The following NTM variants were observed in gnomAD, a reference collection of about 807,000 sequenced individuals.
The protein encoded by NTM is neurotrimin, also known as IgLON family member 2.
A neutral mutation model predicts 42.1 loss-of-function variants in NTM; 13 were observed. The ratio of observed to expected loss-of-function variants is 0.31; its 90% CI spans 0.20 to 0.49. The LOEUF (loss-of-function observed/expected upper bound fraction) is 0.49. Among genes scored for constraint, NTM ranks in the 20% least tolerant of loss-of-function variants. The pLI is 0.99. For synonymous variants in NTM, 187 were observed against 179.2 expected (o/e 1.04, Z -0.35); for missense variants, 373 against 452.8 (o/e 0.82, Z 1.60).
intron 2 of NTM, among the ~76,000 whole-genome samples, chr11:132,129,866 A>G (rs1336644828): frequency 1.3e-5 from 2 of 152,084 alleles, no homozygotes; most frequent in Admixed American, 6.6e-5. Context: ...TGTTTCCTCA[A>G]TTCTCTTCCC....
intron 1 of NTM, among the ~76,000 whole-genome samples, chr11:131,513,767 T>C (rs183672955): frequency 8.1e-4 from 124 of 152,288 alleles, no homozygotes; most frequent in Middle Eastern, 3.4e-3. Flanking sequence ...TGAAAATATT[T>C]ATAAGTATTG....
At chr11:131,505,949 C>T (rs2136413720) in intron 1 of NTM, among the ~76,000 whole-genome samples, 1 of 152,144 alleles carries the variant, frequency 6.6e-6, no homozygotes, top group African/African-American at 2.4e-5. Flanking sequence ...CAGTGTGCCT[C>T]TGTTATTGCC....
In NTM at chr11:131,789,478, GAAGAAGAAGAAGAGGA is replaced by G. The variant is rs2090022948; in HGVS notation, c.83-122072_83-122057del. Reference sequence around the variant, plus strand: ...AGAAGAAGAAGAAGAAGAAGAAGAAGAAGAAGAAGAAGAGGAAAGAAGAAGAAGAAGAAGAAGAAGA... The same window carrying G: ...AGAAGAAGAAGAAGAAGAAGAAGAAGAAGAAGAAGAAGAAGAAGAAGAAGA... On this transcript the variant is annotated intron_variant, in intron 1 of 8. Transcript: ENST00000683400. Among the ~76,000 whole-genome samples, 7 of 10,934 alleles carry G rather than the reference GAAGAAGAAGAAGAGGA, an allele frequency of 6.4e-4. 3 individuals carry two copies. The highest frequency in any genetic ancestry group is 5.1e-3 in the Admixed American group (4 of 780). The allele number at this position is 10,934 out of a possible 152,430, so 7.2% of individuals were successfully genotyped here.
chr11:132,330,325 C>T (rs1037288795), intron 8 of NTM, 140 bp downstream of exon 8: 7 of 887,932 alleles, frequency 7.9e-6, no homozygotes, highest in South Asian at 1.8e-5. Flanking sequence ...CTTCAACCAT[C>T]TCCGTGTCAA....
chr11:131,526,081 T>G (rs2136620191), intron 1 of NTM, among the ~76,000 whole-genome samples: 1 of 152,252 alleles, frequency 6.6e-6, no homozygotes, highest in Admixed American at 6.5e-5. Flanking sequence ...GGCTCAATCC[T>G]CACAACAGTG....
chr11:132,171,532 C>T (rs1399856938), intron 3 of NTM, among the ~76,000 whole-genome samples: 1 of 152,080 alleles, frequency 6.6e-6, no homozygotes, highest in African/African-American at 2.4e-5. Context: ...AAAGCTTTGC[C>T]CTCATAACTT....
chr11:131,487,551 C>G (rs1954311922), intron 1 of NTM, among the ~76,000 whole-genome samples: 1 of 152,042 alleles, frequency 6.6e-6, no homozygotes, highest in South Asian at 2.1e-4. Flanking sequence ...AATTTGGAGA[C>G]AAGGATAGGT....
intron 2 of NTM, among the ~76,000 whole-genome samples, chr11:132,127,101 A>T (rs2065966410): frequency 6.6e-6 from 1 of 152,100 alleles, no homozygotes. Flanking sequence ...CCTATTTCAA[A>T]CTGCCCCCCA....
intron 4 of NTM, among the ~76,000 whole-genome samples, chr11:132,254,263 C>T (rs574386266): frequency 2.6e-5 from 4 of 152,192 alleles, no homozygotes; most frequent in South Asian, 4.1e-4. Flanking sequence ...CCCCGCAACC[C>T]GTCTTCATCC....
intron 1 of NTM, among the ~76,000 whole-genome samples, chr11:131,585,097 T>C (rs1310503230): frequency 6.6e-6 from 1 of 152,174 alleles, no homozygotes; most frequent in African/African-American, 2.4e-5. Flanking sequence ...ATTGGACGGA[T>C]GGGAGGAGGA....
At chr11:132,193,264 A>G (rs1401295181) in intron 3 of NTM, among the ~76,000 whole-genome samples, 2 of 152,124 alleles carry the variant, frequency 1.3e-5, no homozygotes, top group African/African-American at 4.8e-5. Flanking sequence ...CCATAAAGCA[A>G]GTCGCAATAA....
At chr11:131,929,223 G>A (rs1402514584) in intron 2 of NTM, among the ~76,000 whole-genome samples, 1 of 152,202 alleles carries the variant, frequency 6.6e-6, no homozygotes, top group Non-Finnish European at 1.5e-5. Context: ...CCTTGAGTGA[G>A]ATCTGATGAA....
intron 1 of NTM, among the ~76,000 whole-genome samples, chr11:131,828,975 CCT>C (rs968312954): frequency 2.0e-4 from 30 of 148,708 alleles, no homozygotes; most frequent in Middle Eastern, 3.5e-3. Flanking sequence ...CATCACTCTC[CCT>C]CTCTCTCTCT....
chr11:132,257,967 T>C (rs1366957078), intron 4 of NTM, among the ~76,000 whole-genome samples: 1 of 152,212 alleles, frequency 6.6e-6, no homozygotes, highest in Non-Finnish European at 1.5e-5. Flanking sequence ...ATTTACTGTG[T>C]AGCTGCAGAG....
intron 1 of NTM, among the ~76,000 whole-genome samples, chr11:131,849,379 C>T (rs1275983814): frequency 6.6e-6 from 1 of 152,096 alleles, no homozygotes; most frequent in Non-Finnish European, 1.5e-5. Context: ...CTGGGTTAGC[C>T]TCAAAGAGCT....
chr11:131,639,538 CCTAA>C (rs1398035129), intron 1 of NTM, among the ~76,000 whole-genome samples: 1 of 152,186 alleles, frequency 6.6e-6, no homozygotes, highest in Non-Finnish European at 1.5e-5. Flanking sequence ...AACTGCAAGA[CCTAA>C]CTATTTTCTG....
intron 2 of NTM, among the ~76,000 whole-genome samples, chr11:131,999,202 G>C (rs2068705123): frequency 6.6e-6 from 1 of 152,150 alleles, no homozygotes; most frequent in Admixed American, 6.5e-5. Context: ...TGCTACTCCT[G>C]TTTGTGTGTC....
intron 2 of NTM, among the ~76,000 whole-genome samples, chr11:132,095,373 C>T (rs1002628331): frequency 6.6e-6 from 1 of 152,062 alleles, no homozygotes; most frequent in African/African-American, 2.4e-5. Context: ...CCCTTTCATC[C>T]ACTGTCTCCG....
intron 1 of NTM, among the ~76,000 whole-genome samples, chr11:131,408,187 C>A (rs566604544): frequency 1.3e-5 from 2 of 152,240 alleles, no homozygotes; most frequent in East Asian, 3.9e-4. Context: ...TTGCTCTGGT[C>A]CAGGAATGGC....
Sources: gnomAD v4.1 joint callset for allele counts (sites outside exome capture counted in the v4.1 genomes callset) on GRCh38, gnomAD v4.1.1 for gene constraint, MANE v1.5 for transcripts, NCBI Gene and HGNC (gene_info 2026-07-23, HGNC 2026-07-21) for gene names.